The following OSBPL10 variants were observed in gnomAD, a reference collection of about 807,000 sequenced individuals.
The protein encoded by OSBPL10 is oxysterol binding protein like 10, also known as oxysterol-binding protein-related protein 10.
In OSBPL10, 49 loss-of-function variants were observed where a neutral mutation model predicts 81.7. The ratio of observed to expected loss-of-function variants is 0.60; its 90% CI spans 0.48 to 0.76. The LOEUF is 0.76. OSBPL10 is among the 30% of genes least tolerant of loss of function. The pLI is 0.00. For synonymous variants in OSBPL10, 419 were observed against 383.6 expected, an observed-to-expected ratio of 1.09 and a Z score of -1.08; for missense variants, 923 against 987.8, an observed-to-expected ratio of 0.93 and a Z score of 0.88.
At chr3:31,968,995 TAA>T (rs1169339446) in intron 1 of OSBPL10, among the ~76,000 whole-genome samples, 1 of 152,202 alleles carries the variant, frequency 6.6e-6, no homozygotes, top group African/African-American at 2.4e-5. Flanking sequence ...TTTGTTCTGT[TAA>T]ACTTTTTAGA....
intron 7 of OSBPL10, among the ~76,000 whole-genome samples, chr3:31,687,883 C>T (rs1056634128): frequency 1.3e-4 from 16 of 125,894 alleles, no homozygotes; most frequent in Non-Finnish European, 2.0e-4. Flanking sequence ...TAGTGAGAAC[C>T]CATCACTACA....
chr3:32,018,080 G>A (rs1050662064), intron 2 of OSBPL10, among the ~76,000 whole-genome samples: 13 of 151,792 alleles, frequency 8.6e-5, no homozygotes, highest in East Asian at 3.9e-4. Context: ...CCTGGGAGGC[G>A]GAAGTTGCAG....
chr3:31,707,514 C>T (rs1696110926), intron 6 of OSBPL10: 1 of 152,194 alleles, frequency 6.6e-6, no homozygotes, highest in Admixed American at 6.5e-5. Context: ...GGCAAGGAGG[C>T]ACTGGGGTGA....
intron 1 of OSBPL10, among the ~76,000 whole-genome samples, chr3:31,974,044 G>A (rs1360865630): frequency 6.6e-6 from 1 of 152,132 alleles, no homozygotes; most frequent in Non-Finnish European, 1.5e-5. Context: ...CAGGCATCCA[G>A]CAAAGGGCGC....
chr3:31,668,572 T>C, intron 10 of OSBPL10, 70 bp downstream of exon 10: 1 of 1,389,784 alleles, frequency 7.2e-7, no homozygotes, highest in Non-Finnish European at 9.6e-7. Flanking sequence ...AAGTCTTCTT[T>C]CTTCTCTGTC....
At chr3:31,751,595 C>T (rs1173609258) in intron 4 of OSBPL10, among the ~76,000 whole-genome samples, 7 of 152,020 alleles carry the variant, frequency 4.6e-5, no homozygotes, top group Admixed American at 3.9e-4. Context: ...AGAACACTGC[C>T]GTTTAAAATG....
intron 7 of OSBPL10, among the ~76,000 whole-genome samples, chr3:31,696,160 C>T (rs7626508): frequency 0.62 from 93,758 of 151,922 alleles, 30,017 homozygotes; most frequent in Middle Eastern, 0.72. Flanking sequence ...CTCTGCCTGC[C>T]CCCCTGCTGC....
At chr3:31,850,710 A>G (rs765504529) in intron 3 of OSBPL10, among the ~76,000 whole-genome samples, 7 of 152,242 alleles carry the variant, frequency 4.6e-5, no homozygotes, top group Non-Finnish European at 1.0e-4. Flanking sequence ...TCATGCCATC[A>G]TTATAATCAC....
At chr3:31,877,598 C>T (rs1701511473) in intron 2 of OSBPL10, among the ~76,000 whole-genome samples, 1 of 151,862 alleles carries the variant, frequency 6.6e-6, no homozygotes, top group Non-Finnish European at 1.5e-5. Context: ...ACAACGATTC[C>T]CTGGAAATTA....
intron 1 of OSBPL10, among the ~76,000 whole-genome samples, chr3:31,966,724 C>T (rs536070121): frequency 2.7e-5 from 4 of 150,764 alleles, no homozygotes; most frequent in Non-Finnish European, 5.9e-5. Context: ...CAGAAGAAAA[C>T]TCTCACAACC....
chr3:31,946,200 G>T (rs982610250), intron 1 of OSBPL10, among the ~76,000 whole-genome samples: 4 of 151,612 alleles, frequency 2.6e-5, no homozygotes, highest in Non-Finnish European at 4.4e-5. Flanking sequence ...AGCTGGTCTC[G>T]AACCCCTGAT....
At chr3:31,860,035 A>G (rs1368829789) in intron 3 of OSBPL10, among the ~76,000 whole-genome samples, 1 of 152,136 alleles carries the variant, frequency 6.6e-6, no homozygotes, top group Non-Finnish European at 1.5e-5. Context: ...TGTGGTGGAC[A>G]TTGCTCACAT....
At chr3:31,800,122 C>T (rs986832363) in intron 4 of OSBPL10, among the ~76,000 whole-genome samples, 3 of 152,190 alleles carry the variant, frequency 2.0e-5, no homozygotes, top group African/African-American at 7.2e-5. Context: ...AGCAATGGTC[C>T]AACTTCTCAC....
chr3:31,672,986 C>T (rs1025147394), intron 8 of OSBPL10, among the ~76,000 whole-genome samples: 37 of 152,176 alleles, frequency 2.4e-4, no homozygotes, highest in African/African-American at 8.0e-4. Context: ...AAATACACTG[C>T]GTATCAGAAG....
At chr3:31,668,850 A>G (rs1202601447) in intron 9 of OSBPL10, 26 bp from the exon 10 acceptor site, 1 of 1,517,492 alleles carries the variant, frequency 6.6e-7, no homozygotes, top group East Asian at 2.3e-5. Flanking sequence ...AAATGAGTAC[A>G]CACTTTTCAA....
At chr3:31,829,232 A>T (rs921370125) in intron 4 of OSBPL10, among the ~76,000 whole-genome samples, 2 of 152,212 alleles carry the variant, frequency 1.3e-5, no homozygotes, top group African/African-American at 4.8e-5. Flanking sequence ...GCTGCAGAGC[A>T]AAAAACCTCA....
chr3:31,900,626 T>C (rs1297526428), intron 1 of OSBPL10, among the ~76,000 whole-genome samples: 1 of 152,240 alleles, frequency 6.6e-6, no homozygotes, highest in Non-Finnish European at 1.5e-5. Flanking sequence ...TTTGTCTTTA[T>C]TCTAGAAGGG....
chr3:31,829,998 A>G (rs1700197309), intron 4 of OSBPL10, 42 bp downstream of exon 4: 1 of 1,551,068 alleles, frequency 6.4e-7, no homozygotes, highest in Non-Finnish European at 8.7e-7. Flanking sequence ...ACAGCCCCCA[A>G]CTCCCCGGGG....
Position 31,662,000 on chromosome 3 carries a change from C to T in OSBPL10, c.*72G>A. On this transcript the variant is annotated 3_prime_UTR_variant, in exon 12 of 12. Coordinates refer to ENST00000396556, the MANE Select transcript of OSBPL10 (RefSeq NM_017784.5). ...AAGGTCTCAGTGAATGCCAACAAAA[C>T]CCTGATACTCTACTACTTTAATATT... is the stretch of plus-strand genomic sequence containing the variant. The T allele has an allele frequency of 6.3e-7, 1 of 1,582,754 alleles. No homozygotes were observed. Among genetic ancestry groups the T allele is most frequent in the Non-Finnish European group, 8.6e-7 (1 of 1,165,510 alleles).
Sources: allele counts gnomAD v4.1 joint callset (sites outside exome capture counted in the v4.1 genomes callset), GRCh38; gene constraint gnomAD v4.1.1; transcripts MANE v1.5; gene names NCBI Gene and HGNC (gene_info 2026-07-23, HGNC 2026-07-21).